EBF3: variants seen among roughly 807,000 people sequenced by gnomAD.
EBF3 encodes the protein transcription factor COE3.
Under a neutral mutation model 77.1 loss-of-function variants are expected in EBF3, and 18 were observed. That is an observed-to-expected ratio of 0.23 (90% CI 0.16 to 0.35). The LOEUF is 0.35. EBF3 is among the 10% of genes least tolerant of loss of function. EBF3 has a pLI of 1.00. For synonymous variants in EBF3, 350 were observed against 343.5 expected (o/e 1.02, Z -0.21); for missense variants, 558 against 860.0 (o/e 0.65, Z 4.39).
rs1201761988 is a variant in EBF3, at chr10:129,836,513, C to T, written c.*1430G>A. On this transcript the variant is annotated 3_prime_UTR_variant, in exon 17 of 17. Transcript: ENST00000440978. The stretch of plus-strand genomic sequence containing the variant: ...GTGGCACCGATTTGTTTTGACTATA[C>T]AACAAACTTTTTTTTCAAAAGTATT... 1 of 151,684 alleles carries T rather than the reference C, an allele frequency of 6.6e-6. No homozygotes were observed. The highest frequency in any genetic ancestry group is 1.5e-5 in the Non-Finnish European group (1 of 67,924). 9.4% of individuals were successfully genotyped at this position (151,684 alleles called of 1,614,324 possible).
intron 6 of EBF3, among the ~76,000 whole-genome samples, chr10:129,945,854 T>C (rs529318218): frequency 3.9e-4 from 59 of 152,242 alleles, no homozygotes; most frequent in Non-Finnish European, 8.2e-4. Context: ...GCCTTTTTCC[T>C]CAACTTGATA....
intron 11 of EBF3, chr10:129,845,930 TTCA>T (rs1408396025): frequency 5.9e-5 from 3 of 50,532 alleles, no homozygotes; most frequent in Non-Finnish European, 1.2e-4. Flanking sequence ...TTTTTCTGCT[TTCA>T]TTTTTTTTTT....
At chr10:129,924,457 A>C in intron 6 of EBF3, among the ~76,000 whole-genome samples, 1 of 151,920 alleles carries the variant, frequency 6.6e-6, no homozygotes. Context: ...AAAAAACAAA[A>C]AACAGAAAAT....
chr10:129,838,478 G>C (rs1849766178), intron 16 of EBF3, among the ~76,000 whole-genome samples: 1 of 152,172 alleles, frequency 6.6e-6, no homozygotes, highest in African/African-American at 2.4e-5. Context: ...TCATCTCTCT[G>C]TATCGTAATG....
chr10:129,839,802 G>A (rs111472374), intron 15 of EBF3, among the ~76,000 whole-genome samples: 5 of 152,324 alleles, frequency 3.3e-5, no homozygotes, highest in African/African-American at 7.2e-5. Context: ...GGCTATTTTC[G>A]CTGCTTTGTG....
rs1853530085 is a variant in EBF3, at chr10:129,885,756, G to A, written c.555-7907C>T. ...TCTATTTGCCAGCTCTGATCACGAA[G>A]CTCCTTATTTAAGAAAAATGCCAGC... On this transcript the variant is annotated intron_variant, in intron 6 of 16. Coordinates refer to ENST00000440978, the MANE Select transcript of EBF3 (RefSeq NM_001375380.1). This position sits in a 1 kb window ranked among gnomAD's most constrained non-coding sequence, Gnocchi z 4.0. Among the ~76,000 whole-genome samples the A allele has an allele frequency of 6.6e-6, 1 of 152,124 alleles. No individual in the cohort carries two copies. The highest frequency in any genetic ancestry group is 1.9e-4 in the East Asian group (1 of 5,196).
chr10:129,840,378 T>A lies in EBF3; in HGVS notation c.1626A>T (p.Thr542=), dbSNP rs1490442970. Residue 542 remains threonine (T), a synonymous_variant, in exon 15 of 17, where the codon ACA becomes ACT. Coordinates refer to ENST00000440978, the MANE Select transcript of EBF3 (RefSeq NM_001375380.1). ...CAGGTGAGAATGAGAAAATGCCGTG[T>A]GTGCTGCTACAGTTTGAAGGGAGGG... ...SVTLPSNCSS[T]HGIFSFSPAN... is the part of the protein sequence containing the mutation. The A allele has an allele frequency of 3.9e-6, 6 of 1,556,156 alleles. No individual in the cohort carries two copies. The highest frequency in any genetic ancestry group is 1.9e-5 in the Admixed American group (1 of 51,510).
At chr10:129,907,894 A>G (rs1264112325) in intron 6 of EBF3, among the ~76,000 whole-genome samples, 1 of 152,236 alleles carries the variant, frequency 6.6e-6, no homozygotes, top group African/African-American at 2.4e-5. Flanking sequence ...GACACTTCAG[A>G]TATCACAAAC....
At chr10:129,899,426 G>C (rs925561934) in intron 6 of EBF3, among the ~76,000 whole-genome samples, 4 of 152,240 alleles carry the variant, frequency 2.6e-5, no homozygotes, top group Non-Finnish European at 5.9e-5. Context: ...GGACTGTGCC[G>C]GAGGACGGTG....
chr10:129,887,699 CA>C (rs1357091557), intron 6 of EBF3, among the ~76,000 whole-genome samples: 1 of 152,098 alleles, frequency 6.6e-6, no homozygotes, highest in African/African-American at 2.4e-5. Context: ...CAGGGCCCTG[CA>C]CAACCAAAAT....
intron 6 of EBF3, among the ~76,000 whole-genome samples, chr10:129,937,970 TG>T (rs778099758): frequency 1.3e-5 from 2 of 152,216 alleles, no homozygotes; most frequent in Non-Finnish European, 2.9e-5. Flanking sequence ...AGTAGGCACA[TG>T]GGTACACTTT....
At chr10:129,889,034 C>T (rs531322073) in intron 6 of EBF3, among the ~76,000 whole-genome samples, 10 of 152,256 alleles carry the variant, frequency 6.6e-5, no homozygotes, top group African/African-American at 1.9e-4. Flanking sequence ...CCCCTCCAGT[C>T]GGGGTTTGTG....
intron 6 of EBF3, among the ~76,000 whole-genome samples, chr10:129,896,717 T>C (rs976057558): frequency 5.3e-5 from 8 of 152,296 alleles, no homozygotes; most frequent in South Asian, 2.1e-4. Context: ...CCTTAAGCAT[T>C]CCCTTTTGTT....
At chr10:129,894,567 G>A (rs1258681678) in intron 6 of EBF3, among the ~76,000 whole-genome samples, 2 of 152,166 alleles carry the variant, frequency 1.3e-5, no homozygotes, top group Non-Finnish European at 2.9e-5. Flanking sequence ...CTCAGACCGA[G>A]CTGGAAGGAG....
Position 129,836,932 on chromosome 10 carries a change from A to AG in EBF3, c.*1010dup, listed in dbSNP as rs1354344703. ...CATTTTATTCCTTATAAGACACATA[A>AG]GGAATAAAACTTGTTTTTCTAAATA... On this transcript the variant is annotated 3_prime_UTR_variant, in exon 17 of 17. Coordinates refer to ENST00000440978, the MANE Select transcript of EBF3 (RefSeq NM_001375380.1). 6.5e-6 allele frequency: 1 copy of AG among 152,686 alleles called. No individual in the cohort carries two copies. Among genetic ancestry groups the AG allele is most frequent in the African/African-American group, 2.4e-5 (1 of 41,470 alleles). 9.5% of individuals were successfully genotyped at this position (152,686 alleles called of 1,614,324 possible).
chr10:129,916,196 G>A (rs949421343), intron 6 of EBF3, among the ~76,000 whole-genome samples: 1 of 152,188 alleles, frequency 6.6e-6, no homozygotes, highest in African/African-American at 2.4e-5. Context: ...AGAGCCTGGG[G>A]GAGAGACGGG....
intron 6 of EBF3, among the ~76,000 whole-genome samples, chr10:129,903,625 T>C (rs1007792160): frequency 3.2e-4 from 49 of 152,344 alleles, no homozygotes; most frequent in African/African-American, 1.2e-3. Context: ...CATTTCCTAA[T>C]GGTCCTTCTC....
intron 4 of EBF3, among the ~76,000 whole-genome samples, chr10:129,960,258 T>G (rs1859401234): frequency 6.6e-6 from 1 of 152,138 alleles, no homozygotes; most frequent in Non-Finnish European, 1.5e-5. Context: ...GGAAATTCCT[T>G]CCAACCTCCC....
intron 8 of EBF3, among the ~76,000 whole-genome samples, chr10:129,871,046 A>C (rs1852370521): frequency 6.6e-6 from 1 of 152,116 alleles, no homozygotes; most frequent in African/African-American, 2.4e-5. Flanking sequence ...ATAGGATTAT[A>C]CCTTTACCTC....
Sources: allele counts gnomAD v4.1 joint callset (sites outside exome capture counted in the v4.1 genomes callset), GRCh38; gene constraint gnomAD v4.1.1; non-coding constraint Gnocchi (gnomAD v3.1); transcripts MANE v1.5; gene names NCBI Gene and HGNC (gene_info 2026-07-23, HGNC 2026-07-21).